Variants in TRIP12 observed in about 807,000 individuals in gnomAD.
The protein encoded by TRIP12 is E3 ubiquitin-protein ligase TRIP12.
A neutral mutation model predicts 244.2 loss-of-function variants in TRIP12; 25 were observed. The ratio of observed to expected loss-of-function variants is 0.10; its 90% CI spans 0.07 to 0.14. TRIP12 has a LOEUF of 0.14. Ranked by LOEUF, TRIP12 falls within the 10% of genes least tolerant of loss-of-function variation. The pLI is 1.00. For synonymous variants in TRIP12, 905 were observed against 873.1 expected (o/e 1.04, Z -0.64); for missense variants, 1,677 against 2,486.4 (o/e 0.67, Z 6.92).
chr2:229,812,997 C>T (rs1263013493), intron 13 of TRIP12, among the ~76,000 whole-genome samples: 3 of 152,152 alleles, frequency 2.0e-5, no homozygotes, highest in Non-Finnish European at 2.9e-5. Context: ...TCTCCATAGC[C>T]TTGAAGCTGT....
At chr2:229,897,538 C>T (rs1298971767) in intron 1 of TRIP12, among the ~76,000 whole-genome samples, 1 of 152,158 alleles carries the variant, frequency 6.6e-6, no homozygotes, top group Admixed American at 6.5e-5. Context: ...ATCCCAGTTA[C>T]ACCGGAGGCT....
chr2:229,818,239 A>G, intron 9 of TRIP12, 125 bp downstream of exon 9: 1 of 1,049,726 alleles, frequency 9.5e-7, no homozygotes, highest in South Asian at 1.7e-5. Flanking sequence ...ACCAAGTCAT[A>G]TACTCCTCTC....
chr2:229,874,233 A>C (rs2063200394), intron 2 of TRIP12, among the ~76,000 whole-genome samples: 1 of 152,132 alleles, frequency 6.6e-6, no homozygotes, highest in African/African-American at 2.4e-5. Context: ...AGAAATGCTA[A>C]CTTTAAACCA....
At chr2:229,796,441 G>C (rs2042841303) in intron 25 of TRIP12, 150 bp downstream of exon 25, 3 of 526,032 alleles carry the variant, frequency 5.7e-6, no homozygotes, top group Non-Finnish European at 9.5e-6. Context: ...TTGATATACA[G>C]AAGTTGAAGG....
At position 229,767,338 on chromosome 2, in the gene TRIP12, A is replaced by T. The variant is rs2032104895; in HGVS notation, c.*216T>A. The T allele has an allele frequency of 4.8e-6, 2 of 420,080 alleles. No homozygotes were observed. Among genetic ancestry groups the T allele is most frequent in the South Asian group, 2.2e-4 (2 of 9,250 alleles). 26.0% of individuals were successfully genotyped at this position (420,080 alleles called of 1,614,324 possible). ...GATAATTTAAACAAGAACTTGCTAA[A>T]GAAACCTCATCACAACAACGTTTTA... is the stretch of plus-strand genomic sequence containing the variant. On this transcript the variant is annotated 3_prime_UTR_variant, in exon 42 of 42. Coordinates refer to ENST00000675903, the MANE Select transcript of TRIP12 (RefSeq NM_001348323.3).
chr2:229,909,724 G>A (rs2073890226), intron 1 of TRIP12, among the ~76,000 whole-genome samples: 1 of 151,990 alleles, frequency 6.6e-6, no homozygotes, highest in African/African-American at 2.4e-5. Context: ...ATGGTGGTGT[G>A]AGCCTGTAGT....
chr2:229,897,850 T>G (rs2069334464), intron 1 of TRIP12, among the ~76,000 whole-genome samples: 1 of 152,054 alleles, frequency 6.6e-6, no homozygotes, highest in South Asian at 2.1e-4. Flanking sequence ...TCCCACAGAC[T>G]CCTATGAATG....
chr2:229,767,896 C>A, intron 41 of TRIP12, 146 bp from the exon 42 acceptor site: 3 of 764,508 alleles, frequency 3.9e-6, no homozygotes, highest in Non-Finnish European at 6.0e-6. Flanking sequence ...ACATTAAGTG[C>A]AAGGAACCTG....
chr2:229,907,832 A>G (rs2073252161), intron 1 of TRIP12, among the ~76,000 whole-genome samples: 2 of 152,188 alleles, frequency 1.3e-5, no homozygotes, highest in African/African-American at 4.8e-5. Flanking sequence ...TAATAATAAT[A>G]GTTTACAAAT....
intron 1 of TRIP12, among the ~76,000 whole-genome samples, chr2:229,915,330 A>G (rs1457292232): frequency 6.6e-6 from 1 of 152,218 alleles, no homozygotes; most frequent in Non-Finnish European, 1.5e-5. Context: ...AAGAGTAACA[A>G]AATGGCTTGC....
At chr2:229,786,741 A>G (rs975275851) in intron 33 of TRIP12, among the ~76,000 whole-genome samples, 15 of 151,802 alleles carry the variant, frequency 9.9e-5, no homozygotes, top group Non-Finnish European at 1.3e-4. Flanking sequence ...TTTAACTACA[A>G]TGTTTGCTTT....
At chr2:229,795,665 A>G (rs1360105505) in intron 25 of TRIP12, among the ~76,000 whole-genome samples, 1 of 152,220 alleles carries the variant, frequency 6.6e-6, no homozygotes, top group Non-Finnish European at 1.5e-5. Flanking sequence ...GTTATGCTAT[A>G]AAAATATTTA....
chr2:229,852,531 C>CA (rs1489582116), intron 4 of TRIP12, among the ~76,000 whole-genome samples: 2 of 152,020 alleles, frequency 1.3e-5, no homozygotes, highest in Non-Finnish European at 2.9e-5. Context: ...ATAAAATTTG[C>CA]AAAAATGTCT....
chr2:229,803,864 AAT>A (rs1240306643), intron 19 of TRIP12, 133 bp downstream of exon 19: 1 of 874,546 alleles, frequency 1.1e-6, no homozygotes, highest in Non-Finnish European at 1.7e-6. Flanking sequence ...TGTGAATATA[AAT>A]AGACAAAAAA....
intron 1 of TRIP12, among the ~76,000 whole-genome samples, chr2:229,897,247 A>G (rs1249648771): frequency 6.6e-6 from 1 of 152,256 alleles, no homozygotes; most frequent in Non-Finnish European, 1.5e-5. Flanking sequence ...TATACACTTC[A>G]TTTATATACA....
chr2:229,830,217 G>T (rs2052966472), intron 7 of TRIP12, among the ~76,000 whole-genome samples: 1 of 152,028 alleles, frequency 6.6e-6, no homozygotes, highest in Non-Finnish European at 1.5e-5. Context: ...TTTGAAACAT[G>T]ATCAAGAAGA....
At chr2:229,915,395 TACTG>T (rs1265835241) in intron 1 of TRIP12, among the ~76,000 whole-genome samples, 2 of 152,260 alleles carry the variant, frequency 1.3e-5, no homozygotes, top group African/African-American at 4.8e-5. Context: ...CCAAAATATA[TACTG>T]ACTAAAAGTC....
chr2:229,846,034 TG>T (rs1011858316), intron 4 of TRIP12, among the ~76,000 whole-genome samples: 12 of 116,194 alleles, frequency 1.0e-4, no homozygotes, highest in African/African-American at 2.5e-4. Context: ...AAAAAAAAGG[TG>T]GGGGGGGCAG....
chr2:229,817,439 C>T (rs909827699), intron 9 of TRIP12, among the ~76,000 whole-genome samples: 5 of 152,002 alleles, frequency 3.3e-5, no homozygotes, highest in African/African-American at 1.2e-4. Context: ...TGCTAAGGTG[C>T]CTACATTTGA....
Sources: allele counts gnomAD v4.1 joint callset (sites outside exome capture counted in the v4.1 genomes callset), GRCh38; gene constraint gnomAD v4.1.1; transcripts MANE v1.5; gene names NCBI Gene and HGNC (gene_info 2026-07-23, HGNC 2026-07-21).